Variants in FAM89A observed in about 807,000 individuals in gnomAD.
FAM89A encodes the protein protein FAM89A.
A neutral mutation model predicts 7.1 loss-of-function variants in FAM89A; 10 were observed. The observed-to-expected ratio is 1.40, with a 90% CI of 0.86 to 2.38. The LOEUF (loss-of-function observed/expected upper bound fraction) is 2.38. Ranked by LOEUF, FAM89A falls within the 30% of genes most tolerant of loss-of-function variation. The probability of loss-of-function intolerance (pLI) is 0.00; values close to 1 mark genes in which losing one functional copy is unlikely to be tolerated. For synonymous variants in FAM89A, 157 were observed against 129.3 expected (o/e 1.21, Z -1.45); for missense variants, 276 against 262.8 (o/e 1.05, Z -0.35).
At chr1:231,039,113 T>C (rs558374152) in intron 1 of FAM89A, among the ~76,000 whole-genome samples, 1 of 152,394 alleles carries the variant, frequency 6.6e-6, no homozygotes, top group African/African-American at 2.4e-5. Flanking sequence ...GTTGCCTAAA[T>C]CCCTGCCCTT....
intron 1 of FAM89A, chr1:231,021,606 G>A (rs1679879179): frequency 6.8e-7 from 1 of 1,466,698 alleles, no homozygotes; most frequent in East Asian, 2.3e-5. Flanking sequence ...GCACCAAAGA[G>A]CACAATGAGT....
At position 231,040,070 on chromosome 1, in the gene FAM89A, G is replaced by A. The variant is rs764171929; in HGVS notation, c.142C>T (p.Arg48Trp). 1 of 1,446,436 alleles carries A rather than the reference G, an allele frequency of 6.9e-7. No individual in the cohort carries two copies. The highest frequency in any genetic ancestry group is 9.1e-7 in the Non-Finnish European group (1 of 1,101,952). The allele number at this position is 1,446,436 out of a possible 1,614,324, so 89.6% of individuals were successfully genotyped here. The change falls in exon 1 of 2, where the codon CGG (arginine) becomes TGG (tryptophan). Residue 48 changes from arginine to tryptophan, a missense_variant. Physicochemically the swap from Arg to Trp is moderately radical, Grantham distance 101. Coordinates refer to ENST00000366654, the MANE Select transcript of FAM89A (RefSeq NM_198552.3). Reference protein sequence around the residue: ...ASGGGASGGWRHLERLYAQKS... With the variant: ...ASGGGASGGWWHLERLYAQKS... The stretch of plus-strand genomic sequence containing the variant: ...TGCGCGTACAGCCGCTCCAGGTGCC[G>A]CCAGCCCCCAGACGCGCCGCCGCCC...
chr1:231,029,764 C>T (rs184664614), intron 1 of FAM89A, among the ~76,000 whole-genome samples: 1 of 152,178 alleles, frequency 6.6e-6, no homozygotes, highest in East Asian at 1.9e-4. Context: ...AAAACTTTCA[C>T]AGTTATCTTT....
Position 231,040,002 on chromosome 1 carries a change from G to C in FAM89A, c.210C>G (p.Gly70=). ...GCGCTGCCGCCCGGGCCCCGCCGCC[G>C]CCCGGGCCCCCGCGGCTCAGCTCGT... ...IQDELSRGGP[G]GGGARAAALP... Residue 70 remains glycine (G), a synonymous_variant, in exon 1 of 2, where the codon GGC becomes GGG. Transcript: ENST00000366654. The C allele has an allele frequency of 1.4e-6, 2 of 1,405,048 alleles. No homozygotes were observed. Among genetic ancestry groups the C allele is most frequent in the Admixed American group, 3.0e-5 (1 of 32,802 alleles). The allele number at this position is 1,405,048 out of a possible 1,614,324, so 87.0% of individuals were successfully genotyped here.
At position 231,019,011 on chromosome 1, in the gene FAM89A, A is replaced by G. The variant is rs889773245; in HGVS notation, c.*852T>C. On this transcript the variant is annotated 3_prime_UTR_variant, in exon 2 of 2. Coordinates refer to ENST00000366654, the MANE Select transcript of FAM89A (RefSeq NM_198552.3). The stretch of plus-strand genomic sequence containing the variant: ...AACCTACAAAGTGTAATGTTCTCAT[A>G]AAGTATTTTAATAAATATATTAAGG... The G allele has an allele frequency of 6.6e-6, 1 of 152,210 alleles. No individual in the cohort carries two copies. Among genetic ancestry groups the G allele is most frequent in the Non-Finnish European group, 1.5e-5 (1 of 68,042 alleles). The allele number at this position is 152,210 out of a possible 1,614,324, so 9.4% of individuals were successfully genotyped here.
Position 231,020,013 on chromosome 1 carries a change from G to C in FAM89A, c.405C>G (p.Tyr135Ter). 6.2e-7 allele frequency: 1 copy of C among 1,614,134 alleles called. No homozygotes were observed. The highest frequency in any genetic ancestry group is 2.2e-5 in the East Asian group (1 of 44,864). Residue 135 changes from tyrosine (Y) to a stop codon, truncating the protein, a stop_gained, in exon 2 of 2, where the codon TAC becomes TAG. Transcript: ENST00000366654. LOFTEE classifies it low-confidence loss of function (END_TRUNC). ...CQAASSPDCT[Y>*]ALENGFFDEE... ...CATCGAAGAAGCCGTTCTCCAGAGC[G>C]TAAGTGCAGTCTGGGCTGGAGGCTG...
chr1:231,036,676 C>T (rs1680160730), intron 1 of FAM89A, among the ~76,000 whole-genome samples: 1 of 152,056 alleles, frequency 6.6e-6, no homozygotes, highest in African/African-American at 2.4e-5. Flanking sequence ...CTCTCCCAGC[C>T]TCCACCCTCG....
Position 231,019,964 on chromosome 1 carries a change from G to T in FAM89A, c.454C>A (p.Gln152Lys). ...TCCCTCCTGTCGTGCAGGGAGTTCTGCTCCTGGAAATATTCCTCCTCTTCA... is the reference window on the plus strand; with the variant it reads ...TCCCTCCTGTCGTGCAGGGAGTTCTTCTCCTGGAAATATTCCTCCTCTTCA... Reference protein sequence around the residue: ...FDEEEEYFQEQNSLHDRRDRG... With the variant: ...FDEEEEYFQEKNSLHDRRDRG... The change falls in exon 2 of 2, where the codon CAG becomes AAG. Residue 152 changes from glutamine to lysine, a missense_variant. Physicochemically the swap from Gln to Lys is moderately conservative, Grantham distance 53. Coordinates refer to ENST00000366654, the MANE Select transcript of FAM89A (RefSeq NM_198552.3). The T allele has an allele frequency of 6.2e-7, 1 of 1,614,140 alleles. No individual in the cohort carries two copies.
intron 1 of FAM89A, among the ~76,000 whole-genome samples, chr1:231,035,950 C>A (rs1253215547): frequency 6.6e-6 from 1 of 152,174 alleles, no homozygotes; most frequent in Non-Finnish European, 1.5e-5. Context: ...CTGGCCAGGC[C>A]ACCTAAGCTA....
At chr1:231,037,823 G>A (rs1680183945) in intron 1 of FAM89A, among the ~76,000 whole-genome samples, 2 of 151,832 alleles carry the variant, frequency 1.3e-5, no homozygotes, top group African/African-American at 4.8e-5. Context: ...CCTGCTCCCT[G>A]TCCCTATTAG....
At chr1:231,025,286 G>A (rs1040009954) in intron 1 of FAM89A, among the ~76,000 whole-genome samples, 4 of 152,132 alleles carry the variant, frequency 2.6e-5, no homozygotes, top group East Asian at 1.9e-4. Context: ...GCTGCAGGTC[G>A]GGAGCGTGGT....
chr1:231,040,013 C>G lies in FAM89A; in HGVS notation c.199G>C (p.Gly67Arg), dbSNP rs1680233427. 1.4e-6 allele frequency: 2 copies of G among 1,423,210 alleles called. No individual in the cohort carries two copies. Among genetic ancestry groups the G allele is most frequent in the Non-Finnish European group, 1.8e-6 (2 of 1,091,280 alleles). The allele number at this position is 1,423,210 out of a possible 1,614,324, so 88.2% of individuals were successfully genotyped here. A position where few individuals can be genotyped will look rare whatever the true frequency, so the allele number is the denominator to read the frequency against. Reference sequence around the variant, plus strand: ...CGGGCCCCGCCGCCGCCCGGGCCCCCGCGGCTCAGCTCGTCCTGGATGCGC... The same window carrying G: ...CGGGCCCCGCCGCCGCCCGGGCCCCGGCGGCTCAGCTCGTCCTGGATGCGC... ...KSRIQDELSRGGPGGGGARAA... is the reference protein window; with the variant it reads ...KSRIQDELSRRGPGGGGARAA... Residue 67 changes from glycine to arginine, a missense_variant, in exon 1 of 2, where the codon GGG becomes CGG. Physicochemically the swap from Gly to Arg is moderately radical, Grantham distance 125. Coordinates refer to ENST00000366654, the MANE Select transcript of FAM89A (RefSeq NM_198552.3).
At chr1:231,032,376 G>A (rs966158669) in intron 1 of FAM89A, among the ~76,000 whole-genome samples, 16 of 40,418 alleles carry the variant, frequency 4.0e-4, no homozygotes, top group Middle Eastern at 0.022. Flanking sequence ...ACCCCACCCC[G>A]CCCCCGCCAG....
chr1:231,035,750 G>A (rs1290889428), intron 1 of FAM89A, among the ~76,000 whole-genome samples: 7 of 152,192 alleles, frequency 4.6e-5, no homozygotes, highest in Admixed American at 4.6e-4. Context: ...CTTTCAAATT[G>A]TGGGACCCTT....
chr1:231,021,179 GAC>G (rs1417550909), intron 1 of FAM89A, among the ~76,000 whole-genome samples: 1 of 152,232 alleles, frequency 6.6e-6, no homozygotes, highest in Non-Finnish European at 1.5e-5. Context: ...AACTCAAGAA[GAC>G]ACCAGGGGAC....
In FAM89A at chr1:231,024,296, G is replaced by A. The variant is rs114463385; in HGVS notation, c.292-4170C>T. Among the ~76,000 whole-genome samples, 964 of 151,974 alleles carry A rather than the reference G, an allele frequency of 6.3e-3. 12 individuals carry two copies. The highest frequency in any genetic ancestry group is 0.022 in the African/African-American group (916 of 41,436). On this transcript the variant is annotated intron_variant, in intron 1 of 1. Transcript: ENST00000366654. ...GATTTTATAATTACCGAAATGACTC[G>A]TTTACCTAGCAATAAGATTTTCCAC...
At chr1:231,020,364 G>A (rs1186405181) in intron 1 of FAM89A, among the ~76,000 whole-genome samples, 1 of 152,092 alleles carries the variant, frequency 6.6e-6, no homozygotes, top group East Asian at 1.9e-4. Context: ...GGGCAACCAG[G>A]GCAGCCTGCA....
intron 1 of FAM89A, among the ~76,000 whole-genome samples, chr1:231,037,646 C>T (rs1023280638): frequency 6.6e-6 from 1 of 152,154 alleles, no homozygotes; most frequent in African/African-American, 2.4e-5. Context: ...CTGCTGAATG[C>T]CCATCCTTGC....
At position 231,020,007 on chromosome 1, in the gene FAM89A, C is replaced by G; in HGVS notation, c.411G>C (p.Leu137=). ...AASSPDCTYA[L]ENGFFDEEEE... is the part of the protein sequence containing the mutation. ...CCTCTTCATCGAAGAAGCCGTTCTC[C>G]AGAGCGTAAGTGCAGTCTGGGCTGG... The change falls in exon 2 of 2, where the codon CTG becomes CTC. Residue 137 remains leucine (L), a synonymous_variant. Coordinates refer to ENST00000366654, the MANE Select transcript of FAM89A (RefSeq NM_198552.3). The G allele has an allele frequency of 6.2e-7, 1 of 1,614,114 alleles. No individual in the cohort carries two copies. Among genetic ancestry groups the G allele is most frequent in the South Asian group, 1.1e-5 (1 of 91,076 alleles).
Sources: allele counts gnomAD v4.1 joint callset (sites outside exome capture counted in the v4.1 genomes callset), GRCh38; gene constraint gnomAD v4.1.1; transcripts MANE v1.5; gene names NCBI Gene and HGNC (gene_info 2026-07-23, HGNC 2026-07-21).